Variants in WDR36 observed in about 807,000 individuals in gnomAD.
The protein encoded by WDR36 is WD repeat domain 36, also known as WD repeat-containing protein 36.
WDR36 carries 63 observed loss-of-function variants against 112.7 expected under a neutral mutation model. That is an observed-to-expected ratio of 0.56 (90% CI 0.46 to 0.69). The LOEUF (loss-of-function observed/expected upper bound fraction) is 0.69. WDR36 is among the 30% of genes least tolerant of loss of function. WDR36 has a pLI of 0.00. For missense variants in WDR36, 1,226 were observed against 1,070.3 expected, an observed-to-expected ratio of 1.15 and a Z score of -2.03; for synonymous variants, 410 against 362.2, an observed-to-expected ratio of 1.13 and a Z score of -1.50.
At chr5:111,116,966 T>C (rs1205205789) in intron 16 of WDR36, among the ~76,000 whole-genome samples, 1 of 152,236 alleles carries the variant, frequency 6.6e-6, no homozygotes, top group East Asian at 1.9e-4. Context: ...ACCTTAAGAT[T>C]TGAAATTGCC....
rs918269055 is a variant in WDR36, at chr5:111,106,119, C to A, written c.1156C>A (p.Pro386Thr). The A allele has an allele frequency of 1.9e-6, 3 of 1,609,862 alleles. No individual in the cohort carries two copies. Among genetic ancestry groups the A allele is most frequent in the Non-Finnish European group, 1.7e-6 (2 of 1,177,044 alleles). The change falls in exon 11 of 23, where the codon CCA becomes ACA. Residue 386 changes from proline (P) to threonine (T), a missense_variant. Pro to Thr is a conservative substitution (Grantham distance 38, BLOSUM62 -1). Transcript: ENST00000513710. ...TCAGAATACCATGTCAGTGAGACTT[C>A]CACCCATCACAAAGTTTGCAGCAGG... ...GLQNTMSVRL[P>T]PITKFAAEEA...
intron 6 of WDR36, among the ~76,000 whole-genome samples, chr5:111,103,045 C>T (rs937064232): frequency 6.6e-6 from 1 of 151,488 alleles, no homozygotes; most frequent in Non-Finnish European, 1.5e-5. Context: ...CCAGAAGACT[C>T]CATAAGTATC....
rs375991785 is a variant in WDR36 at position 111,127,161 on chromosome 5, C to T, written c.*278C>T. The T allele has an allele frequency of 2.9e-5, 9 of 312,744 alleles. 1 individual carries two copies. Among genetic ancestry groups the T allele is most frequent in the East Asian group, 1.0e-4 (2 of 20,034 alleles). The allele number at this position is 312,744 out of a possible 1,614,324, so 19.4% of individuals were successfully genotyped here. A position where few individuals can be genotyped will look rare whatever the true frequency, so the allele number is the denominator to read the frequency against. On this transcript the variant is annotated 3_prime_UTR_variant, in exon 23 of 23. Transcript: ENST00000513710. Reference sequence around the variant, plus strand: ...AGCCCAGCCTGGGCAACATAGCAAGCAAGATCCCATCTCTACAAAAAGTTA... The same window carrying T: ...AGCCCAGCCTGGGCAACATAGCAAGTAAGATCCCATCTCTACAAAAAGTTA...
rs1164610515 is a variant in WDR36, at chr5:111,129,457, CAG to C, written c.*2576_*2577del. 5.7e-5 allele frequency: 11 copies of C among 193,010 alleles called. No homozygotes were observed. Among genetic ancestry groups the C allele is most frequent in the Admixed American group, 3.1e-4 (5 of 16,364 alleles). The allele number at this position is 193,010 out of a possible 1,614,324, so 12.0% of individuals were successfully genotyped here. A position where few individuals can be genotyped will look rare whatever the true frequency, so the allele number is the denominator to read the frequency against. Reference sequence around the variant, plus strand: ...TGAAAAAATTATTTTGGTTTTAAATCAGAAATTTCTCACTAGTGAAGATGGAC... The same window carrying C: ...TGAAAAAATTATTTTGGTTTTAAATCAAATTTCTCACTAGTGAAGATGGAC... On this transcript the variant is annotated 3_prime_UTR_variant, in exon 23 of 23. Transcript: ENST00000513710.
At chr5:111,098,108 G>A (rs945592894) in intron 3 of WDR36, among the ~76,000 whole-genome samples, 1 of 152,248 alleles carries the variant, frequency 6.6e-6, no homozygotes, top group East Asian at 1.9e-4. Flanking sequence ...GAACAAAATA[G>A]GGGTGGGGAG....
At chr5:111,122,166 T>G (rs1449925734) in intron 19 of WDR36, among the ~76,000 whole-genome samples, 2 of 152,198 alleles carry the variant, frequency 1.3e-5, no homozygotes, top group Non-Finnish European at 2.9e-5. Flanking sequence ...TTCATCATGC[T>G]GTCCACACAT....
chr5:111,108,784 G>A (rs903267901), intron 12 of WDR36, among the ~76,000 whole-genome samples: 1 of 151,234 alleles, frequency 6.6e-6, no homozygotes, highest in Non-Finnish European at 1.5e-5. Context: ...CGAGTAAGGG[G>A]CAGAGCTGGG....
Position 111,127,046 on chromosome 5 carries a change from G to A in WDR36, c.*163G>A, listed in dbSNP as rs996028320. The A allele has an allele frequency of 2.1e-5, 14 of 678,570 alleles. No homozygotes were observed. Among genetic ancestry groups the A allele is most frequent in the Middle Eastern group, 4.3e-4 (1 of 2,334 alleles). The allele number at this position is 678,570 out of a possible 1,614,324, so 42.0% of individuals were successfully genotyped here. A position where few individuals can be genotyped will look rare whatever the true frequency, so the allele number is the denominator to read the frequency against. On this transcript the variant is annotated 3_prime_UTR_variant, in exon 23 of 23. Coordinates refer to ENST00000513710, the MANE Select transcript of WDR36 (RefSeq NM_139281.3). ...CTAAATACTTTCTTGAAATAAAATC[G>A]CACCTCCCGGCCAGGCATGATGGAT...
chr5:111,117,441 C>T (rs765044234), intron 16 of WDR36, among the ~76,000 whole-genome samples: 6 of 152,194 alleles, frequency 3.9e-5, no homozygotes, highest in Non-Finnish European at 7.3e-5. Flanking sequence ...TCCCATGAAT[C>T]ACTGATGTAG....
intron 19 of WDR36, among the ~76,000 whole-genome samples, chr5:111,122,116 G>C (rs2112589646): frequency 6.6e-6 from 1 of 152,300 alleles, no homozygotes; most frequent in South Asian, 2.1e-4. Flanking sequence ...TTAGTCATCA[G>C]CATAAAGGTG....
rs763369010 is a variant in WDR36 at position 111,121,148 on chromosome 5, A to G, written c.2148+7A>G. ...TAACCTTGATGTTATTAAGGTAATAATTAACATTCTTTATAGACCCTAAGC... is the reference window on the plus strand; with the variant it reads ...TAACCTTGATGTTATTAAGGTAATAGTTAACATTCTTTATAGACCCTAAGC... On this transcript the variant is annotated splice_region_variant and intron_variant, in intron 19 of 22. Transcript: ENST00000513710. 1.9e-6 allele frequency: 3 copies of G among 1,613,346 alleles called. No homozygotes were observed. Among genetic ancestry groups the G allele is most frequent in the South Asian group, 1.1e-5 (1 of 91,066 alleles).
chr5:111,113,052 A>ATATATATATATATTT lies in WDR36; in HGVS notation c.1717-21_1717-20insATATATATATATTTT, dbSNP rs35527062. Reference sequence around the variant, plus strand: ...ATATAAATAATATATATATATATATATTTTTTTTTTTTAATTTAAAGGCTT... The same window carrying ATATATATATATATTT: ...ATATAAATAATATATATATATATATATATATATATATATTTTTTTTTTTTTTTAATTTAAAGGCTT... On this transcript the variant is annotated intron_variant, in intron 15 of 22. Coordinates refer to ENST00000513710, the MANE Select transcript of WDR36 (RefSeq NM_139281.3). The ATATATATATATATTT allele has an allele frequency of 5.5e-4, 259 of 473,576 alleles. No individual in the cohort carries two copies. In the African/African-American group the frequency reaches 6.3e-3, roughly 12 times the overall value. The allele number at this position is 473,576 out of a possible 1,614,324, so 29.3% of individuals were successfully genotyped here. A position where few individuals can be genotyped will look rare whatever the true frequency, so the allele number is the denominator to read the frequency against.
intron 12 of WDR36, among the ~76,000 whole-genome samples, chr5:111,108,383 G>A (rs1011306690): frequency 6.6e-6 from 1 of 151,008 alleles, no homozygotes; most frequent in African/African-American, 2.4e-5. Flanking sequence ...GTTTTTAATA[G>A]ATGCCTCTGC....
At chr5:111,110,347 C>A (rs1227681456) in intron 13 of WDR36, 44 bp downstream of exon 13, 1 of 1,445,760 alleles carries the variant, frequency 6.9e-7, no homozygotes. Context: ...TAGATAGATA[C>A]AAAACTAGTA....
intron 22 of WDR36, 49 bp from the exon 23 acceptor site, chr5:111,126,685 T>G: frequency 6.3e-7 from 1 of 1,596,438 alleles, no homozygotes; most frequent in South Asian, 1.1e-5. Flanking sequence ...CCAGATTAGG[T>G]AAAATTTTAA....
At chr5:111,123,022 T>C (rs1162380279) in intron 19 of WDR36, among the ~76,000 whole-genome samples, 1 of 151,984 alleles carries the variant, frequency 6.6e-6, no homozygotes, top group Non-Finnish European at 1.5e-5. Flanking sequence ...GGCAGGAGAA[T>C]TGCTTGAACC....
rs763433226 is a variant in WDR36 at position 111,097,155 on chromosome 5, C to T, written c.267C>T (p.Phe89=). ...RLVFAAYGNV[F]SAFARNKEIV... is the part of the protein sequence containing the mutation. ...TCTTTGCTGCTTATGGAAATGTTTT[C>T]TCTGCATTTGCCCGTAATAAAGAGG... The change falls in exon 3 of 23, where the codon TTC becomes TTT. Residue 89 remains phenylalanine, a synonymous_variant. Coordinates refer to ENST00000513710, the MANE Select transcript of WDR36 (RefSeq NM_139281.3). 1 of 1,613,452 alleles carries T rather than the reference C, an allele frequency of 6.2e-7. No individual in the cohort carries two copies.
intron 16 of WDR36, among the ~76,000 whole-genome samples, chr5:111,118,689 T>C (rs1279064405): frequency 6.6e-6 from 1 of 152,180 alleles, no homozygotes; most frequent in East Asian, 1.9e-4. Context: ...ATCTTTAGAA[T>C]TGTCTCCAAG....
intron 1 of WDR36, among the ~76,000 whole-genome samples, chr5:111,093,955 C>G (rs1390502365): frequency 2.6e-5 from 4 of 152,104 alleles, no homozygotes; most frequent in Non-Finnish European, 4.4e-5. Context: ...ATGTTCTTTA[C>G]CCAGACTGTA....
Sources: gnomAD v4.1 joint callset for allele counts (sites outside exome capture counted in the v4.1 genomes callset) on GRCh38, gnomAD v4.1.1 for gene constraint, MANE v1.5 for transcripts, NCBI Gene and HGNC (gene_info 2026-07-23, HGNC 2026-07-21) for gene names.